Variants in NCAM2 observed in about 807,000 individuals in gnomAD.
NCAM2 encodes neural cell adhesion molecule 2, also known as N-CAM-2.
Under a neutral mutation model 98.1 loss-of-function variants are expected in NCAM2, and 30 were observed. The ratio of observed to expected loss-of-function variants is 0.31; its 90% CI spans 0.23 to 0.41. The LOEUF (loss-of-function observed/expected upper bound fraction) is 0.41. NCAM2 is among the 10% of genes least tolerant of loss of function. NCAM2 has a pLI of 1.00. For missense variants in NCAM2, 867 were observed against 1,005.8 expected, an observed-to-expected ratio of 0.86 and a Z score of 1.87; for synonymous variants, 368 against 342.4, an observed-to-expected ratio of 1.07 and a Z score of -0.83.
At chr21:21,222,757 G>A (rs1429932817) in intron 1 of NCAM2, among the ~76,000 whole-genome samples, 1 of 152,154 alleles carries the variant, frequency 6.6e-6, no homozygotes. Flanking sequence ...AAAGGATTCA[G>A]AATATTACTA....
intron 1 of NCAM2, among the ~76,000 whole-genome samples, chr21:21,192,591 C>G (rs1200330690): frequency 6.6e-6 from 1 of 151,784 alleles, no homozygotes; most frequent in Non-Finnish European, 1.5e-5. Flanking sequence ...GAACAGGGTG[C>G]AGAGAATTGG....
intron 1 of NCAM2, among the ~76,000 whole-genome samples, chr21:21,107,160 G>A (rs189340646): frequency 9.3e-4 from 142 of 152,156 alleles, no homozygotes; most frequent in African/African-American, 3.4e-3. Context: ...TGTTACTTAT[G>A]TAATTATTAA....
At chr21:21,047,348 A>G (rs550307632) in intron 1 of NCAM2, among the ~76,000 whole-genome samples, 14 of 152,318 alleles carry the variant, frequency 9.2e-5, no homozygotes, top group African/African-American at 2.6e-4. Flanking sequence ...ATGGGTTGCT[A>G]TTTAGATTCT....
At chr21:21,365,964 T>C (rs771852252) in intron 8 of NCAM2, among the ~76,000 whole-genome samples, 1 of 39,272 alleles carries the variant, frequency 2.5e-5, no homozygotes, top group Non-Finnish European at 4.8e-5. Context: ...CTTTGTACTG[T>C]TTCCCGTTTT....
At chr21:21,267,731 A>G (rs2072340868) in intron 1 of NCAM2, among the ~76,000 whole-genome samples, 1 of 152,156 alleles carries the variant, frequency 6.6e-6, no homozygotes, top group Non-Finnish European at 1.5e-5. Context: ...CTATTACAGC[A>G]TTTAACATTT....
intron 1 of NCAM2, among the ~76,000 whole-genome samples, chr21:21,194,606 T>C (rs2068940700): frequency 6.6e-6 from 1 of 152,176 alleles, no homozygotes; most frequent in Non-Finnish European, 1.5e-5. Context: ...GTATTAAATA[T>C]GTACAAAATT....
chr21:21,421,988 C>T (rs1443720245), intron 11 of NCAM2, among the ~76,000 whole-genome samples: 5 of 152,142 alleles, frequency 3.3e-5, no homozygotes, highest in South Asian at 4.2e-4. Flanking sequence ...AGCCCTACAT[C>T]GGAATGAGGT....
rs141149066 is a variant in NCAM2, at chr21:21,385,395, C to CACACACACACACACACACAT, written c.1195+11386_1195+11387insACACACACACACACATACAC. Among the ~76,000 whole-genome samples the CACACACACACACACACACAT allele has an allele frequency of 6.0e-5, 9 of 150,672 alleles. No homozygotes were observed. In the East Asian group the frequency reaches 1.4e-3, roughly 23 times the overall value. On this transcript the variant is annotated intron_variant, in intron 9 of 17. Coordinates refer to ENST00000400546, the MANE Select transcript of NCAM2 (RefSeq NM_004540.5). ...AAACACACACACACACACACACACACACACGCACACACACATACACACACA... is the reference window on the plus strand; with the variant it reads ...AAACACACACACACACACACACACACACACACACACACACACACATACACGCACACACACATACACACACA...
chr21:21,226,861 GAA>G (rs1262774322), intron 1 of NCAM2: 1 of 151,938 alleles, frequency 6.6e-6, no homozygotes, highest in Non-Finnish European at 1.5e-5. Flanking sequence ...TTTAACATTA[GAA>G]AGCATATTAA....
chr21:21,348,840 A>G (rs967298889), intron 8 of NCAM2, among the ~76,000 whole-genome samples: 3 of 152,174 alleles, frequency 2.0e-5, no homozygotes, highest in Non-Finnish European at 4.4e-5. Flanking sequence ...TAGGGAAAAG[A>G]CAGTCTGTTC....
At chr21:21,005,515 G>A (rs1416517325) in intron 1 of NCAM2, among the ~76,000 whole-genome samples, 3 of 151,852 alleles carry the variant, frequency 2.0e-5, no homozygotes, top group African/African-American at 7.3e-5. Flanking sequence ...AGATAAAAAT[G>A]TCAATAAATT....
chr21:21,221,448 T>C lies in NCAM2; in HGVS notation c.56-59130T>C, dbSNP rs1401531162. 5.3e-5 allele frequency among the ~76,000 whole-genome samples: 3 copies of C among 56,298 alleles called. No homozygotes were observed. The East Asian group carries it at 1.5e-3, about 29-fold the overall frequency. The allele number at this position is 56,298 out of a possible 152,430, so 36.9% of individuals were successfully genotyped here. A position where few individuals can be genotyped will look rare whatever the true frequency, so the allele number is the denominator to read the frequency against. ...TTCAAACAGTTAGCCAAGTTGGTAA[T>C]TGAAAGGAGAGTTTTGGAGGAAACT... On this transcript the variant is annotated intron_variant, in intron 1 of 17. Transcript: ENST00000400546.
chr21:21,032,571 C>T (rs2064707642), intron 1 of NCAM2, among the ~76,000 whole-genome samples: 1 of 152,082 alleles, frequency 6.6e-6, no homozygotes, highest in African/African-American at 2.4e-5. Flanking sequence ...GTTGACTAAG[C>T]AAATCAAAAT....
chr21:21,507,351 A>G (rs1156489957), intron 15 of NCAM2, among the ~76,000 whole-genome samples: 3 of 152,166 alleles, frequency 2.0e-5, no homozygotes, highest in South Asian at 2.1e-4. Flanking sequence ...TAAAACAAAT[A>G]CAGGTTTTAT....
At chr21:21,427,826 A>G (rs2077248106) in intron 11 of NCAM2, among the ~76,000 whole-genome samples, 1 of 152,226 alleles carries the variant, frequency 6.6e-6, no homozygotes, top group Non-Finnish European at 1.5e-5. Context: ...GTCAATGGAT[A>G]CAAAAGTATG....
intron 1 of NCAM2, among the ~76,000 whole-genome samples, chr21:21,213,551 G>A (rs1373009713): frequency 6.6e-6 from 1 of 152,056 alleles, no homozygotes; most frequent in African/African-American, 2.4e-5. Flanking sequence ...ATGCTATTAG[G>A]AATAATGCTT....
intron 9 of NCAM2, among the ~76,000 whole-genome samples, chr21:21,396,528 C>T (rs1482488010): frequency 6.6e-6 from 1 of 152,084 alleles, no homozygotes; most frequent in East Asian, 1.9e-4. Flanking sequence ...TCATTCTGCC[C>T]ACTCAGCTCA....
chr21:21,087,508 G>A lies in NCAM2; in HGVS notation c.55+88890G>A, dbSNP rs1024467136. 3.9e-5 allele frequency among the ~76,000 whole-genome samples: 6 copies of A among 152,214 alleles called. No individual in the cohort carries two copies. In the East Asian group the frequency reaches 5.8e-4, roughly 15 times the overall value. Reference sequence around the variant, plus strand: ...TATTGGTCCTTTGGACTAAGGGGTCGCAACAGCTTTTCTAGTGCTATCTCT... The same window carrying A: ...TATTGGTCCTTTGGACTAAGGGGTCACAACAGCTTTTCTAGTGCTATCTCT... On this transcript the variant is annotated intron_variant, in intron 1 of 17. Transcript: ENST00000400546.
intron 15 of NCAM2, among the ~76,000 whole-genome samples, chr21:21,488,173 T>G (rs1986550860): frequency 6.6e-6 from 1 of 152,124 alleles, no homozygotes; most frequent in Admixed American, 6.5e-5. Flanking sequence ...TAAATTTGAC[T>G]TTTTAAATAT....
Sources: gnomAD v4.1 joint callset for allele counts (sites outside exome capture counted in the v4.1 genomes callset) on GRCh38, gnomAD v4.1.1 for gene constraint, MANE v1.5 for transcripts, NCBI Gene and HGNC (gene_info 2026-07-23, HGNC 2026-07-21) for gene names.